Variants in MCF2L2 observed in about 807,000 individuals in gnomAD.
MCF2L2 encodes probable guanine nucleotide exchange factor MCF2L2.
MCF2L2 carries 102 observed loss-of-function variants against 150.2 expected under a neutral mutation model. The observed-to-expected ratio is 0.68, with a 90% CI of 0.58 to 0.80. MCF2L2 has a LOEUF of 0.80. Ranked by LOEUF, MCF2L2 falls within the 30% of genes least tolerant of loss-of-function variation. MCF2L2 has a pLI of 0.00. For synonymous variants in MCF2L2, 465 were observed against 491.3 expected, an observed-to-expected ratio of 0.95 and a Z score of 0.71; for missense variants, 1,256 against 1,372.8, an observed-to-expected ratio of 0.91 and a Z score of 1.34.
At position 183,290,108 on chromosome 3, in the gene MCF2L2, C is replaced by T. The variant is rs566609817; in HGVS notation, c.1676-888G>A. On this transcript the variant is annotated intron_variant, in intron 13 of 29. Coordinates refer to ENST00000328913, the MANE Select transcript of MCF2L2 (RefSeq NM_015078.4). ...AATCTGAAAAACACTAAACTCTTAA[C>T]GCTGAAGCACAATCACTTAGTATAT... Among the ~76,000 whole-genome samples, 8 of 152,292 alleles carry T rather than the reference C, an allele frequency of 5.3e-5. 1 individual carries two copies. The highest frequency in any genetic ancestry group is 1.7e-4 in the African/African-American group (7 of 41,560).
chr3:183,261,260 T>C (rs1002108284), intron 15 of MCF2L2, among the ~76,000 whole-genome samples: 4 of 152,192 alleles, frequency 2.6e-5, no homozygotes, highest in Admixed American at 2.0e-4. Flanking sequence ...CTGATCTCTC[T>C]CAACAAGGCA....
chr3:183,346,466 G>T (rs1056207540), intron 3 of MCF2L2, among the ~76,000 whole-genome samples: 2 of 152,246 alleles, frequency 1.3e-5, no homozygotes, highest in East Asian at 1.9e-4. Flanking sequence ...TACTGAATGG[G>T]CAAAGCTGGA....
chr3:183,207,730 G>T lies in MCF2L2; in HGVS notation c.2590C>A (p.Arg864=), dbSNP rs771665921. ...KDRYKMKDLI[R]FKPSQRQIYL... ...ATTTGCCTCTGGCTGGGTTTAAATC[G>T]AATCAAATCCTTCATTTTATAACGA... The change falls in exon 23 of 30, where the codon CGA becomes AGA. Residue 864 remains arginine, a synonymous_variant. Coordinates refer to ENST00000328913, the MANE Select transcript of MCF2L2 (RefSeq NM_015078.4). 5.0e-6 allele frequency: 8 copies of T among 1,614,072 alleles called. No individual in the cohort carries two copies. In the South Asian group the frequency reaches 7.7e-5, roughly 16 times the overall value.
chr3:183,356,838 A>G (rs950617151), intron 3 of MCF2L2, among the ~76,000 whole-genome samples: 4 of 152,216 alleles, frequency 2.6e-5, no homozygotes, highest in Non-Finnish European at 4.4e-5. Context: ...CAACTACAAA[A>G]AAGTTTATAT....
intron 22 of MCF2L2, among the ~76,000 whole-genome samples, chr3:183,213,529 A>T (rs1722811777): frequency 6.6e-6 from 1 of 152,154 alleles, no homozygotes; most frequent in Non-Finnish European, 1.5e-5. Context: ...AGAGAAACTA[A>T]GAGGTTAAAC....
intron 15 of MCF2L2, among the ~76,000 whole-genome samples, chr3:183,240,580 G>A (rs1035874811): frequency 6.6e-6 from 1 of 152,154 alleles, no homozygotes; most frequent in Non-Finnish European, 1.5e-5. Flanking sequence ...ACAGCTGCCA[G>A]AGTTCCTTCT....
rs1461959986 is a variant in MCF2L2, at chr3:183,270,219, G to A, written c.1862+6653C>T. 1.2e-6 allele frequency: 2 copies of A among 1,614,024 alleles called. No homozygotes were observed. Among genetic ancestry groups the A allele is most frequent in the Non-Finnish European group, 1.7e-6 (2 of 1,180,012 alleles). On this transcript the variant is annotated intron_variant, in intron 15 of 29. Transcript: ENST00000328913. The surrounding 1 kb of genome is among the most constrained non-coding windows in gnomAD (Gnocchi z 4.5). ...AACTCCTAATCCACTGGAGGGAGAA[G>A]AACTACAAAGAAAACTGGCTTGGGA...
intron 22 of MCF2L2, among the ~76,000 whole-genome samples, chr3:183,211,403 G>A (rs1424043732): frequency 2.0e-5 from 3 of 152,172 alleles, no homozygotes; most frequent in Non-Finnish European, 4.4e-5. Context: ...AAACATATGG[G>A]CACATATCCT....
chr3:183,369,936 T>C (rs1172864348), intron 3 of MCF2L2, among the ~76,000 whole-genome samples: 7 of 152,234 alleles, frequency 4.6e-5, no homozygotes, highest in Admixed American at 4.6e-4. Flanking sequence ...AGCTAATCGC[T>C]CACCCACTAA....
chr3:183,297,222 C>A lies in MCF2L2; in HGVS notation c.1306-55G>T. 7 of 1,468,664 alleles carry A rather than the reference C, an allele frequency of 4.8e-6. No homozygotes were observed. In the Admixed American group the frequency reaches 1.2e-4, roughly 26 times the overall value. 91.0% of individuals were successfully genotyped at this position (1,468,664 alleles called of 1,614,324 possible). A position where few individuals can be genotyped will look rare whatever the true frequency, so the allele number is the denominator to read the frequency against. Reference sequence around the variant, plus strand: ...TTCGCCTGACCACAACTCAGAGCCACCGTAATCCTCAGCAGGTCTGAGCTT... The same window carrying A: ...TTCGCCTGACCACAACTCAGAGCCAACGTAATCCTCAGCAGGTCTGAGCTT... On this transcript the variant is annotated intron_variant, in intron 11 of 29. Transcript: ENST00000328913.
intron 1 of MCF2L2, among the ~76,000 whole-genome samples, chr3:183,403,531 T>C (rs1458895941): frequency 6.6e-6 from 1 of 152,226 alleles, no homozygotes; most frequent in African/African-American, 2.4e-5. Flanking sequence ...TGGCGAGACT[T>C]GCTCCAGTGG....
At chr3:183,304,889 C>T (rs558153586) in intron 10 of MCF2L2, among the ~76,000 whole-genome samples, 1 of 152,258 alleles carries the variant, frequency 6.6e-6, no homozygotes, top group African/African-American at 2.4e-5. Context: ...GAATGACAGA[C>T]CTTTCCTAGC....
In MCF2L2 at chr3:183,280,363, T is replaced by TAAA. The variant is rs1727399813; in HGVS notation, c.1777-3409_1777-3407dup. 3.3e-5 allele frequency among the ~76,000 whole-genome samples: 5 copies of TAAA among 152,336 alleles called. No individual in the cohort carries two copies. The South Asian group carries it at 1.0e-3, about 32-fold the overall frequency. The stretch of plus-strand genomic sequence containing the variant: ...CTCCAAAGGACATATAAACCCTTTT[T>TAAA]AAACTTAGATTTTGAAAAGTCCCAA... On this transcript the variant is annotated intron_variant, in intron 14 of 29. Transcript: ENST00000328913.
intron 21 of MCF2L2, among the ~76,000 whole-genome samples, chr3:183,216,528 T>C: frequency 7.2e-6 from 1 of 138,216 alleles, no homozygotes. Context: ...ATATTATATA[T>C]TATATAAAAT....
intron 10 of MCF2L2, among the ~76,000 whole-genome samples, chr3:183,300,961 A>G (rs1728812389): frequency 7.2e-6 from 1 of 139,062 alleles, no homozygotes; most frequent in African/African-American, 2.7e-5. Flanking sequence ...ATTGCAGTGA[A>G]TTGAGATTGC....
intron 6 of MCF2L2, among the ~76,000 whole-genome samples, chr3:183,319,554 G>C (rs369431549): frequency 6.8e-6 from 1 of 146,222 alleles, no homozygotes. Flanking sequence ...TCTATGGCAG[G>C]TATAGCTTTA....
At chr3:183,358,313 G>GA (rs1711910893) in intron 3 of MCF2L2, among the ~76,000 whole-genome samples, 3 of 150,664 alleles carry the variant, frequency 2.0e-5, no homozygotes, top group Admixed American at 6.6e-5. Flanking sequence ...AAATAAATAA[G>GA]AAAAAAAAGA....
At chr3:183,218,816 G>A (rs144027496) in intron 21 of MCF2L2, among the ~76,000 whole-genome samples, 2 of 151,926 alleles carry the variant, frequency 1.3e-5, no homozygotes, top group East Asian at 1.9e-4. Context: ...TATAATGTAG[G>A]GTTCAGAAAA....
chr3:183,402,271 G>A (rs1017709428), intron 1 of MCF2L2, among the ~76,000 whole-genome samples: 15 of 145,470 alleles, frequency 1.0e-4, no homozygotes, highest in African/African-American at 3.8e-4. Context: ...GTGAAACCCC[G>A]TCTCTACTAA....
Sources: gnomAD v4.1 joint callset for allele counts (sites outside exome capture counted in the v4.1 genomes callset) on GRCh38, gnomAD v4.1.1 for gene constraint, Gnocchi (gnomAD v3.1) non-coding constraint, MANE v1.5 for transcripts, NCBI Gene and HGNC (gene_info 2026-07-23, HGNC 2026-07-21) for gene names.